HNRNPCL2: variants seen among roughly 807,000 people sequenced by gnomAD.
HNRNPCL2 encodes the protein heterogeneous nuclear ribonucleoprotein C like 2.
In HNRNPCL2, 17 loss-of-function variants were observed where a neutral mutation model predicts 18.2. The ratio of observed to expected loss-of-function variants is 0.94; its 90% CI spans 0.64 to 1.40. The LOEUF (loss-of-function observed/expected upper bound fraction) is 1.40. Ranked by LOEUF, HNRNPCL2 falls within the 40% of genes most tolerant of loss-of-function variation. The pLI is 0.00. For synonymous variants in HNRNPCL2, 133 were observed against 129.9 expected, an observed-to-expected ratio of 1.02 and a Z score of -0.16; for missense variants, 358 against 357.1, an observed-to-expected ratio of 1.00 and a Z score of -0.02.
chr1:13,116,324 A>G lies in HNRNPCL2; in HGVS notation c.77T>C (p.Leu26Pro), dbSNP rs141765631. The G allele has an allele frequency of 0.023, 37,226 of 1,612,820 alleles. 1,015 individuals are homozygous for G. The highest frequency in any genetic ancestry group is 0.076 in the South Asian group (6,888 of 90,912). Residue 26 changes from leucine (L) to proline (P), a missense_variant, in exon 2 of 2, where the codon CTT (leucine) becomes CCT (proline). Physicochemically the swap from Leu to Pro is moderately conservative, Grantham distance 98. Coordinates refer to ENST00000621994, the MANE Select transcript of HNRNPCL2 (RefSeq NM_001136561.3). ...CTCCACATCAGATTTCTTGACAACA[A>G]GAGTGTTGAGATTCCCAATGAACAC... ...SRVFIGNLNT[L>P]VVKKSDVEAI...
chr1:13,116,363 G>C lies in HNRNPCL2; in HGVS notation c.38C>G (p.Ser13Cys). 1 of 1,613,170 alleles carries C rather than the reference G, an allele frequency of 6.2e-7. No individual in the cohort carries two copies. The highest frequency in any genetic ancestry group is 8.5e-7 in the Non-Finnish European group (1 of 1,179,724). Residue 13 changes from serine to cysteine, a missense_variant, in exon 2 of 2, where the codon TCC (serine) becomes TGC (cysteine). Ser to Cys is a moderately radical substitution (Grantham distance 112). Coordinates refer to ENST00000621994, the MANE Select transcript of HNRNPCL2 (RefSeq NM_001136561.3). Reference sequence around the variant, plus strand: ...CCCAATGAACACACGGGAGTTCACGGAGTGAGGATCCATCTTGTTGGTAAC... The same window carrying C: ...CCCAATGAACACACGGGAGTTCACGCAGTGAGGATCCATCTTGTTGGTAAC... ...SNVTNKMDPH[S>C]VNSRVFIGNL...
intron 1 of HNRNPCL2, 27 bp downstream of exon 1, chr1:13,116,766 G>A (rs1642835658): frequency 3.5e-6 from 1 of 282,100 alleles, no homozygotes; most frequent in African/African-American, 2.2e-5. Context: ...TCACATGGGA[G>A]TGTCCTTACA....
At position 13,115,759 on chromosome 1, in the gene HNRNPCL2, C is replaced by T. The variant is rs1266539844; in HGVS notation, c.642G>A (p.Glu214=). 8.7e-6 allele frequency: 14 copies of T among 1,613,404 alleles called. No homozygotes were observed. The highest frequency in any genetic ancestry group is 1.1e-5 in the Non-Finnish European group (13 of 1,179,982). The change falls in exon 2 of 2, where the codon GAG becomes GAA. Residue 214 remains glutamate (E), a synonymous_variant. Coordinates refer to ENST00000621994, the MANE Select transcript of HNRNPCL2 (RefSeq NM_001136561.3). ...CCTCTTCTGACTTAGCATTTTTCAC[C>T]TCTACCTCTTGTTTGCTCTGTTCCT... ...IEKEQSKQEV[E]VKNAKSEEEQ...
rs1480088864 is a variant in HNRNPCL2 at position 13,115,681 on chromosome 1, A to C, written c.720T>G (p.Ser240=). ...KKDETHVKME[S]EGGAEDSAEE... is the part of the protein sequence containing the mutation. ...CAGCAGAGTCTTCTGCACCCCCCTC[A>C]GACTCCATCTTTACATGAGTCTCAT... The change falls in exon 2 of 2, where the codon TCT becomes TCG. Residue 240 remains serine (S), a synonymous_variant. Coordinates refer to ENST00000621994, the MANE Select transcript of HNRNPCL2 (RefSeq NM_001136561.3). The C allele has an allele frequency of 6.2e-7, 1 of 1,613,472 alleles. No homozygotes were observed. Among genetic ancestry groups the C allele is most frequent in the South Asian group, 1.1e-5 (1 of 91,050 alleles).
Position 13,116,124 on chromosome 1 carries a change from C to T in HNRNPCL2, c.277G>A (p.Gly93Arg), listed in dbSNP as rs758965578. 23 of 1,612,274 alleles carry T rather than the reference C, an allele frequency of 1.4e-5. No individual in the cohort carries two copies. The African/African-American group carries it at 1.5e-4, about 10-fold the overall frequency. Reference protein sequence around the residue: ...NLAAEPKVNRGNAGVKRSAAE... With the variant: ...NLAAEPKVNRRNAGVKRSAAE... ...GCGGATCGTTTCACACCTGCGTTTC[C>T]TCGGTTCACTTTTGGCTCTGCAGCC... Residue 93 changes from glycine to arginine, a missense_variant, in exon 2 of 2, where the codon GGA becomes AGA. Physicochemically the swap from Gly to Arg is moderately radical, Grantham distance 125. Coordinates refer to ENST00000621994, the MANE Select transcript of HNRNPCL2 (RefSeq NM_001136561.3).
rs76690950 is a variant in HNRNPCL2 at position 13,116,623 on chromosome 1, C to A, written c.-181-42G>T. On this transcript the variant is annotated intron_variant, in intron 1 of 1. Transcript: ENST00000621994. ...AAAAGCACAACAACATTTTTGAAAT[C>A]ACGACAAAATTGCATTTAGAAAAAA... is the stretch of plus-strand genomic sequence containing the variant. 1.8e-4 allele frequency: 175 copies of A among 964,458 alleles called. 2 individuals are homozygous for A. Among genetic ancestry groups the A allele is most frequent in the African/African-American group, 7.6e-4 (45 of 59,478 alleles). 59.7% of individuals were successfully genotyped at this position (964,458 alleles called of 1,614,324 possible).
In HNRNPCL2 at chr1:13,115,718, G is replaced by T. The variant is rs1189405124; in HGVS notation, c.683C>A (p.Ser228Tyr). ...TACATGAGTCTCATCTTTCTTCATG[G>T]AGCTACTGCTCTGCTCCTCTTCTGA... The part of the protein sequence containing the change: ...AKSEEEQSSS[S>Y]MKKDETHVKM... The change falls in exon 2 of 2, where the codon TCC becomes TAC. Residue 228 changes from serine to tyrosine, a missense_variant. Physicochemically the swap from Ser to Tyr is moderately radical, Grantham distance 144. Coordinates refer to ENST00000621994, the MANE Select transcript of HNRNPCL2 (RefSeq NM_001136561.3). The T allele has an allele frequency of 6.2e-7, 1 of 1,613,328 alleles. No individual in the cohort carries two copies.
rs776662820 is a variant in HNRNPCL2, at chr1:13,116,094, C to T, written c.307G>A (p.Glu103Lys). The change falls in exon 2 of 2, where the codon GAG (glutamate) becomes AAG (lysine). Residue 103 changes from glutamate (E) to lysine (K), a missense_variant. Glu to Lys is a moderately conservative substitution (Grantham distance 56). Coordinates refer to ENST00000621994, the MANE Select transcript of HNRNPCL2 (RefSeq NM_001136561.3). ...AAGTCAAAAGAGGAGCCGTACATCT[C>T]CGCTGCGGATCGTTTCACACCTGCG... ...GNAGVKRSAA[E>K]MYGSSFDLDY... 1.2e-6 allele frequency: 2 copies of T among 1,613,224 alleles called. No individual in the cohort carries two copies. Among genetic ancestry groups the T allele is most frequent in the South Asian group, 2.2e-5 (2 of 91,018 alleles).
Position 13,115,517 on chromosome 1 carries a change from G to A in HNRNPCL2, c.*2C>T, listed in dbSNP as rs1642800341. The A allele has an allele frequency of 6.3e-7, 1 of 1,592,970 alleles. No individual in the cohort carries two copies. The highest frequency in any genetic ancestry group is 8.5e-7 in the Non-Finnish European group (1 of 1,171,008). ...ATAAGATTTCTCAACCCCACTATGT[G>A]CTTAAGAGTCATCCTGGCCATTGGT... On this transcript the variant is annotated 3_prime_UTR_variant, in exon 2 of 2. Transcript: ENST00000621994.
chr1:13,116,151 G>A lies in HNRNPCL2; in HGVS notation c.250C>T (p.Leu84=), dbSNP rs1490495399. The part of the protein sequence containing the change: ...MIASQVAVIN[L]AAEPKVNRGN... Reference sequence around the variant, plus strand: ...CGGTTCACTTTTGGCTCTGCAGCCAGGTTAATAACTGCAACCTGGCTAGCA... The same window carrying A: ...CGGTTCACTTTTGGCTCTGCAGCCAAGTTAATAACTGCAACCTGGCTAGCA... The change falls in exon 2 of 2, where the codon CTG becomes TTG. Residue 84 remains leucine (L), a synonymous_variant. Coordinates refer to ENST00000621994, the MANE Select transcript of HNRNPCL2 (RefSeq NM_001136561.3). 5 of 1,608,102 alleles carry A rather than the reference G, an allele frequency of 3.1e-6. No individual in the cohort carries two copies. The highest frequency in any genetic ancestry group is 4.2e-6 in the Non-Finnish European group (5 of 1,176,586).
Position 13,116,511 on chromosome 1 carries a change from G to A in HNRNPCL2, c.-111C>T. On this transcript the variant is annotated 5_prime_UTR_variant, in exon 2 of 2. Transcript: ENST00000621994. ...GTTCTACGGGGAGAAACTGACTGCG[G>A]CTCGAGGCCAGAAATGCAGCCAAAA... 6.9e-7 allele frequency: 1 copy of A among 1,449,186 alleles called. No individual in the cohort carries two copies. The allele number at this position is 1,449,186 out of a possible 1,614,324, so 89.8% of individuals were successfully genotyped here.
chr1:13,115,507 C>G lies in HNRNPCL2; in HGVS notation c.*12G>C, dbSNP rs769085019. 34 of 1,558,522 alleles carry G rather than the reference C, an allele frequency of 2.2e-5. No individual in the cohort carries two copies. Among genetic ancestry groups the G allele is most frequent in the Non-Finnish European group, 2.9e-5 (34 of 1,156,698 alleles). On this transcript the variant is annotated 3_prime_UTR_variant, in exon 2 of 2. Coordinates refer to ENST00000621994, the MANE Select transcript of HNRNPCL2 (RefSeq NM_001136561.3). ...AAACAATGGGATAAGATTTCTCAAC[C>G]CCACTATGTGCTTAAGAGTCATCCT...
rs371451661 is a variant in HNRNPCL2 at position 13,115,638 on chromosome 1, C to A, written c.763G>T (p.Asp255Tyr). ...CCCTGATCTTCATTATCATCATCAT[C>A]CAGTGGGTCCCCCTCCTCAGCAGAG... ...EDSAEEGDPL[D>Y]DDDNEDQGDN... The change falls in exon 2 of 2, where the codon GAT becomes TAT. Residue 255 changes from aspartate to tyrosine, a missense_variant. Physicochemically the swap from Asp to Tyr is radical, Grantham distance 160. Coordinates refer to ENST00000621994, the MANE Select transcript of HNRNPCL2 (RefSeq NM_001136561.3). 2.5e-6 allele frequency: 4 copies of A among 1,613,528 alleles called. No homozygotes were observed. The highest frequency in any genetic ancestry group is 1.3e-5 in the African/African-American group (1 of 74,522).
At position 13,115,649 on chromosome 1, in the gene HNRNPCL2, C is replaced by T. The variant is rs758717394; in HGVS notation, c.752G>A (p.Gly251Glu). Residue 251 changes from glycine (G) to glutamate (E), a missense_variant, in exon 2 of 2, where the codon GGG (glycine) becomes GAG (glutamate). Gly to Glu is a moderately conservative substitution (Grantham distance 98, BLOSUM62 -2). Transcript: ENST00000621994. ...EGGAEDSAEE[G>E]DPLDDDDNED... is the part of the protein sequence containing the mutation. ...ATTATCATCATCATCCAGTGGGTCC[C>T]CCTCCTCAGCAGAGTCTTCTGCACC... 1.2e-6 allele frequency: 2 copies of T among 1,613,534 alleles called. No individual in the cohort carries two copies. The highest frequency in any genetic ancestry group is 3.3e-5 in the Admixed American group (2 of 60,000).
rs1263664214 is a variant in HNRNPCL2 at position 13,115,714 on chromosome 1, C to T, written c.687G>A (p.Met229Ile). The T allele has an allele frequency of 6.2e-7, 1 of 1,613,666 alleles. No homozygotes were observed. Among genetic ancestry groups the T allele is most frequent in the Non-Finnish European group, 8.5e-7 (1 of 1,179,974 alleles). ...TCTTTACATGAGTCTCATCTTTCTT[C>T]ATGGAGCTACTGCTCTGCTCCTCTT... ...KSEEEQSSSS[M>I]KKDETHVKME... is the part of the protein sequence containing the mutation. Residue 229 changes from methionine (M) to isoleucine (I), a missense_variant, in exon 2 of 2, where the codon ATG becomes ATA. Physicochemically the swap from Met to Ile is conservative, Grantham distance 10. Coordinates refer to ENST00000621994, the MANE Select transcript of HNRNPCL2 (RefSeq NM_001136561.3).
Position 13,116,106 on chromosome 1 carries a change from G to T in HNRNPCL2, c.295C>A (p.Arg99=). ...KVNRGNAGVK[R]SAAEMYGSSF... is the part of the protein sequence containing the mutation. Reference sequence around the variant, plus strand: ...GAGCCGTACATCTCCGCTGCGGATCGTTTCACACCTGCGTTTCCTCGGTTC... The same window carrying T: ...GAGCCGTACATCTCCGCTGCGGATCTTTTCACACCTGCGTTTCCTCGGTTC... The change falls in exon 2 of 2, where the codon CGA becomes AGA. Residue 99 remains arginine, a synonymous_variant. Coordinates refer to ENST00000621994, the MANE Select transcript of HNRNPCL2 (RefSeq NM_001136561.3). 1 of 1,590,008 alleles carries T rather than the reference G, an allele frequency of 6.3e-7. No individual in the cohort carries two copies. The highest frequency in any genetic ancestry group is 8.6e-7 in the Non-Finnish European group (1 of 1,164,178).
In HNRNPCL2 at chr1:13,116,080, G is replaced by A; in HGVS notation, c.321C>T (p.Ser107=). Residue 107 remains serine (S), a synonymous_variant, in exon 2 of 2, where the codon TCC becomes TCT. Transcript: ENST00000621994. The stretch of plus-strand genomic sequence containing the variant: ...GAAAGCCATAGTCCAAGTCAAAAGA[G>A]GAGCCGTACATCTCCGCTGCGGATC... ...VKRSAAEMYG[S]SFDLDYGFQR... is the part of the protein sequence containing the mutation. The A allele has an allele frequency of 6.2e-7, 1 of 1,613,366 alleles. No homozygotes were observed.
rs775715217 is a variant in HNRNPCL2 at position 13,115,627 on chromosome 1, A to G, written c.774T>C (p.Asp258=). ...GCTGGTTGTCCCCCTGATCTTCATT[A>G]TCATCATCATCCAGTGGGTCCCCCT... ...AEEGDPLDDD[D]NEDQGDNQLH... is the part of the protein sequence containing the mutation. Residue 258 remains aspartate, a synonymous_variant, in exon 2 of 2, where the codon GAT becomes GAC. Transcript: ENST00000621994. The G allele has an allele frequency of 4.2e-5, 67 of 1,613,386 alleles. No individual in the cohort carries two copies. Among genetic ancestry groups the G allele is most frequent in the South Asian group, 2.4e-4 (22 of 91,052 alleles).
At position 13,116,542 on chromosome 1, in the gene HNRNPCL2, C is replaced by T; in HGVS notation, c.-142G>A. ...GGCCAGAAATGCAGCCAAAACAGCT[C>T]AGTCTTCGTCTCTTCACAAAATGGC... On this transcript the variant is annotated 5_prime_UTR_variant, in exon 2 of 2. Transcript: ENST00000621994. The T allele has an allele frequency of 7.4e-7, 1 of 1,342,850 alleles. No individual in the cohort carries two copies. The highest frequency in any genetic ancestry group is 1.5e-5 in the African/African-American group (1 of 65,988). The allele number at this position is 1,342,850 out of a possible 1,614,324, so 83.2% of individuals were successfully genotyped here. A position where few individuals can be genotyped will look rare whatever the true frequency, so the allele number is the denominator to read the frequency against.
Sources: gnomAD v4.1 joint callset for allele counts on GRCh38, gnomAD v4.1.1 for gene constraint, MANE v1.5 for transcripts, NCBI Gene and HGNC (gene_info 2026-07-23, HGNC 2026-07-21) for gene names.